SLC2A13: variants seen among roughly 807,000 people sequenced by gnomAD.
The protein encoded by SLC2A13 is solute carrier family 2 member 13.
Under a neutral mutation model 64.4 loss-of-function variants are expected in SLC2A13, and 32 were observed. The observed-to-expected ratio is 0.50, with a 90% CI of 0.37 to 0.67. The LOEUF (loss-of-function observed/expected upper bound fraction) is 0.67. SLC2A13 is among the 30% of genes least tolerant of loss of function. SLC2A13 has a pLI of 0.00. For missense variants in SLC2A13, 743 were observed against 829.2 expected, an observed-to-expected ratio of 0.90 and a Z score of 1.28; for synonymous variants, 338 against 327.1, an observed-to-expected ratio of 1.03 and a Z score of -0.36.
At chr12:39,810,488 A>G (rs1321268560) in intron 7 of SLC2A13, among the ~76,000 whole-genome samples, 1 of 152,142 alleles carries the variant, frequency 6.6e-6, no homozygotes, top group Admixed American at 6.6e-5. Context: ...TTGCCTTATT[A>G]CACTGGCTAG....
At position 39,772,022 on chromosome 12, in the gene SLC2A13, T is replaced by C. The variant is rs537594482; in HGVS notation, c.1446-7164A>G. ...CCTCATCACCCAAGGCCTGTGTGGATGCTACCCATTCACCTGTCCGAGATA... is the reference window on the plus strand; with the variant it reads ...CCTCATCACCCAAGGCCTGTGTGGACGCTACCCATTCACCTGTCCGAGATA... On this transcript the variant is annotated intron_variant, in intron 7 of 9. Transcript: ENST00000280871. 2.0e-5 allele frequency among the ~76,000 whole-genome samples: 3 copies of C among 152,262 alleles called. No individual in the cohort carries two copies. In the East Asian group the frequency reaches 5.8e-4, roughly 29 times the overall value.
At chr12:39,814,904 T>C (rs569109498) in intron 7 of SLC2A13, among the ~76,000 whole-genome samples, 33 of 152,270 alleles carry the variant, frequency 2.2e-4, no homozygotes, top group African/African-American at 7.2e-4. Context: ...CAGAAAGATA[T>C]GATAGATTGT....
chr12:39,917,237 T>C (rs1294514089), intron 4 of SLC2A13, among the ~76,000 whole-genome samples: 1 of 9,414 alleles, frequency 1.1e-4, no homozygotes, highest in Non-Finnish European at 7.4e-3. Context: ...GAAGAGATGA[T>C]GAAATAGTGT....
intron 5 of SLC2A13, among the ~76,000 whole-genome samples, chr12:39,866,608 T>C (rs1943918627): frequency 6.6e-6 from 1 of 151,572 alleles, no homozygotes; most frequent in Admixed American, 6.6e-5. Context: ...GCCTCTGGAG[T>C]AGCTGGGACT....
chr12:39,908,801 G>T (rs1011673658), intron 4 of SLC2A13, among the ~76,000 whole-genome samples: 4 of 151,914 alleles, frequency 2.6e-5, no homozygotes, highest in East Asian at 1.9e-4. Context: ...AGCAGGGTTT[G>T]GTATTTGGGA....
intron 4 of SLC2A13, among the ~76,000 whole-genome samples, chr12:39,920,119 A>G (rs966642895): frequency 6.6e-6 from 1 of 152,082 alleles, no homozygotes; most frequent in African/African-American, 2.4e-5. Context: ...TTCAAGACAC[A>G]TTCTAAGATG....
chr12:39,956,782 T>C lies in SLC2A13; in HGVS notation c.926-5417A>G, dbSNP rs183822306. On this transcript the variant is annotated intron_variant, in intron 3 of 9. Coordinates refer to ENST00000280871, the MANE Select transcript of SLC2A13 (RefSeq NM_052885.4). Reference sequence around the variant, plus strand: ...TTATTTATTTATGAGTTTTACCTTGTATTAATATTAAAGTTAAGGAGGAAA... The same window carrying C: ...TTATTTATTTATGAGTTTTACCTTGCATTAATATTAAAGTTAAGGAGGAAA... Among the ~76,000 whole-genome samples, 16 of 152,296 alleles carry C rather than the reference T, an allele frequency of 1.1e-4. No homozygotes were observed. The East Asian group carries it at 3.1e-3, about 29-fold the overall frequency.
intron 3 of SLC2A13, among the ~76,000 whole-genome samples, chr12:39,994,454 T>C (rs1947193790): frequency 6.7e-6 from 1 of 150,130 alleles, no homozygotes; most frequent in African/African-American, 2.4e-5. Flanking sequence ...TACATACATA[T>C]GTGTGTGCAT....
chr12:40,086,159 GA>G (rs1329620830), intron 1 of SLC2A13, among the ~76,000 whole-genome samples: 1 of 152,130 alleles, frequency 6.6e-6, no homozygotes, highest in African/African-American at 2.4e-5. Flanking sequence ...TTCTAAGAAA[GA>G]GCAAAATCTG....
At chr12:39,890,553 C>T (rs1472733161) in intron 4 of SLC2A13, among the ~76,000 whole-genome samples, 4 of 152,158 alleles carry the variant, frequency 2.6e-5, no homozygotes, top group Non-Finnish European at 5.9e-5. Flanking sequence ...AGAAGTAAAT[C>T]TATCTGACCT....
At chr12:39,987,269 G>A (rs1358608812) in intron 3 of SLC2A13, among the ~76,000 whole-genome samples, 10 of 152,252 alleles carry the variant, frequency 6.6e-5, no homozygotes, top group Admixed American at 5.9e-4. Flanking sequence ...AACAAACAAT[G>A]ACAAAATAAT....
At chr12:39,930,121 A>C (rs1945798412) in intron 4 of SLC2A13, among the ~76,000 whole-genome samples, 3 of 148,272 alleles carry the variant, frequency 2.0e-5, no homozygotes, top group Admixed American at 2.0e-4. Context: ...ACAGAGTGAG[A>C]CTTCGTCTCA....
chr12:39,996,031 C>T (rs1034620295), intron 3 of SLC2A13, among the ~76,000 whole-genome samples: 8 of 152,166 alleles, frequency 5.3e-5, no homozygotes, highest in Non-Finnish European at 1.0e-4. Flanking sequence ...TGGAGTGGGG[C>T]GCTGCTGAAA....
At chr12:39,933,958 T>C (rs934465284) in intron 4 of SLC2A13, among the ~76,000 whole-genome samples, 2 of 152,218 alleles carry the variant, frequency 1.3e-5, no homozygotes, top group African/African-American at 4.8e-5. Context: ...GTCTGTCTAA[T>C]GCCAGATAAA....
At chr12:39,816,489 T>G in intron 7 of SLC2A13, among the ~76,000 whole-genome samples, 1 of 149,022 alleles carries the variant, frequency 6.7e-6, no homozygotes, top group Admixed American at 6.7e-5. Context: ...AAATGACGAG[T>G]TAATGGGTGC....
intron 6 of SLC2A13, among the ~76,000 whole-genome samples, chr12:39,831,016 C>T (rs1044297041): frequency 6.6e-6 from 1 of 152,142 alleles, no homozygotes; most frequent in African/African-American, 2.4e-5. Flanking sequence ...CCAACTAAAG[C>T]CTACATCATG....
chr12:39,923,688 G>A (rs894578652), intron 4 of SLC2A13, among the ~76,000 whole-genome samples: 26 of 39,632 alleles, frequency 6.6e-4, no homozygotes, highest in African/African-American at 1.6e-3. Flanking sequence ...ATATATATAT[G>A]CGCACGCGCA....
At chr12:39,769,003 C>A (rs1269111519) in intron 7 of SLC2A13, among the ~76,000 whole-genome samples, 3 of 152,086 alleles carry the variant, frequency 2.0e-5, no homozygotes, top group Non-Finnish European at 4.4e-5. Flanking sequence ...CCATTTTTCA[C>A]CATTTGAGTT....
chr12:39,989,184 T>C (rs1034055280), intron 3 of SLC2A13, among the ~76,000 whole-genome samples: 2 of 152,128 alleles, frequency 1.3e-5, no homozygotes, highest in African/African-American at 2.4e-5. Context: ...CCTGAAACTC[T>C]CCATGCCAAT....
Sources: allele counts gnomAD v4.1 joint callset (sites outside exome capture counted in the v4.1 genomes callset), GRCh38; gene constraint gnomAD v4.1.1; transcripts MANE v1.5; gene names NCBI Gene and HGNC (gene_info 2026-07-23, HGNC 2026-07-21).